The following ABRAXAS2 variants were observed in gnomAD, a reference collection of about 807,000 sequenced individuals.
ABRAXAS2 encodes the protein abraxas 2, BRISC complex subunit.
Under a neutral mutation model 49.0 loss-of-function variants are expected in ABRAXAS2, and 23 were observed. The ratio of observed to expected loss-of-function variants is 0.47; its 90% CI spans 0.34 to 0.66. ABRAXAS2 has a LOEUF of 0.66. Ranked by LOEUF, ABRAXAS2 falls within the 30% of genes least tolerant of loss-of-function variation. The pLI is 0.01. For synonymous variants in ABRAXAS2, 168 were observed against 180.2 expected (o/e 0.93, Z 0.54); for missense variants, 443 against 511.9 (o/e 0.87, Z 1.30).
chr10:124,829,562 C>A, intron 7 of ABRAXAS2, 85 bp downstream of exon 7: 2 of 902,076 alleles, frequency 2.2e-6, no homozygotes, highest in South Asian at 1.6e-5. Context: ...TGTCTTCCAA[C>A]TGACAAATAG....
intron 2 of ABRAXAS2, 141 bp from the exon 3 acceptor site, chr10:124,816,435 T>A (rs1950825721): frequency 8.0e-6 from 5 of 627,034 alleles, no homozygotes; most frequent in Non-Finnish European, 1.4e-5. Context: ...CAGACTGGTG[T>A]ACATGTAGCA....
At chr10:124,831,847 T>A (rs1589811617) in intron 8 of ABRAXAS2, among the ~76,000 whole-genome samples, 1 of 129,304 alleles carries the variant, frequency 7.7e-6, no homozygotes. Flanking sequence ...CCTGTCTTTT[T>A]TTTTTTTTTT....
rs189005599 is a variant in ABRAXAS2, at chr10:124,807,503, A to G, written c.163+582A>G. ...CCCCGTCTCTACTAAAAATACAAAA[A>G]TTAGCCGGGCGTGGTGGCGGGTGCC... On this transcript the variant is annotated intron_variant, in intron 2 of 8. Transcript: ENST00000298492. Among the ~76,000 whole-genome samples, 1,180 of 149,120 alleles carry G rather than the reference A, an allele frequency of 7.9e-3. 5 individuals carry two copies. The highest frequency in any genetic ancestry group is 0.013 in the Non-Finnish European group (860 of 67,386).
chr10:124,823,410 C>G (rs1434308579), intron 4 of ABRAXAS2, among the ~76,000 whole-genome samples: 1 of 152,120 alleles, frequency 6.6e-6, no homozygotes, highest in Non-Finnish European at 1.5e-5. Flanking sequence ...GGCTGAATTA[C>G]TGTTCTGGCA....
intron 3 of ABRAXAS2, among the ~76,000 whole-genome samples, chr10:124,818,793 G>A (rs1423624476): frequency 2.0e-5 from 3 of 152,128 alleles, no homozygotes; most frequent in African/African-American, 7.2e-5. Context: ...TATTAGGTTC[G>A]AAGCTAGCCA....
chr10:124,830,187 G>C (rs1308264253), intron 7 of ABRAXAS2, among the ~76,000 whole-genome samples: 3 of 152,154 alleles, frequency 2.0e-5, no homozygotes, highest in Admixed American at 6.6e-5. Flanking sequence ...GCTCACACCT[G>C]TCATCCCAGC....
At chr10:124,805,475 G>A (rs1159120026) in intron 1 of ABRAXAS2, among the ~76,000 whole-genome samples, 2 of 152,148 alleles carry the variant, frequency 1.3e-5, no homozygotes, top group Non-Finnish European at 2.9e-5. Flanking sequence ...TATCGTACAA[G>A]GGCATTGTTT....
At chr10:124,807,954 T>C (rs1341271673) in intron 2 of ABRAXAS2, among the ~76,000 whole-genome samples, 1 of 152,176 alleles carries the variant, frequency 6.6e-6, no homozygotes, top group Non-Finnish European at 1.5e-5. Flanking sequence ...TTACTAAACC[T>C]ATACAGCCTT....
intron 1 of ABRAXAS2, among the ~76,000 whole-genome samples, chr10:124,802,364 C>G (rs1950711506): frequency 6.6e-6 from 1 of 152,210 alleles, no homozygotes. Context: ...CGAGTGAAAC[C>G]GTGGCTGTCA....
intron 7 of ABRAXAS2, among the ~76,000 whole-genome samples, chr10:124,830,460 A>G (rs1475935856): frequency 6.6e-6 from 1 of 152,184 alleles, no homozygotes; most frequent in Non-Finnish European, 1.5e-5. Context: ...ATATAAAAAT[A>G]AAAAGGATGA....
chr10:124,827,621 T>C (rs554822578), intron 5 of ABRAXAS2, among the ~76,000 whole-genome samples: 1 of 152,304 alleles, frequency 6.6e-6, no homozygotes, highest in South Asian at 2.1e-4. Flanking sequence ...CATAATCCAC[T>C]ATGTGGAAAT....
intron 8 of ABRAXAS2, among the ~76,000 whole-genome samples, chr10:124,832,814 A>C (rs1182501101): frequency 6.6e-6 from 1 of 151,800 alleles, no homozygotes; most frequent in African/African-American, 2.4e-5. Flanking sequence ...ACTGCACTCC[A>C]GCCTGAGCAA....
At chr10:124,807,267 C>G (rs923735320) in intron 2 of ABRAXAS2, among the ~76,000 whole-genome samples, 12 of 134,226 alleles carry the variant, frequency 8.9e-5, no homozygotes, top group Non-Finnish European at 1.7e-4. Context: ...GAGCCGAGAT[C>G]GCGCCACTGC....
intron 2 of ABRAXAS2, among the ~76,000 whole-genome samples, chr10:124,814,539 C>T (rs1300572971): frequency 2.0e-5 from 3 of 151,060 alleles, no homozygotes; most frequent in African/African-American, 4.9e-5. Context: ...TTTGTTTTCA[C>T]CATATTGGCC....
In ABRAXAS2 at chr10:124,816,605, CT is replaced by C; in HGVS notation, c.198del (p.Phe66LeufsTer10). On this transcript the variant is annotated frameshift_variant, in exon 3 of 9. Transcript: ENST00000298492. LOFTEE classifies it high-confidence loss of function. ...EIHNHQPCSKLFSFYDYASKV... is the reference protein window; with the variant it reads ...EIHNHQPCSKXFSFYDYASKV... ...CCATAACCATCAGCCTTGTTCAAAACTTTTTAGGTAAGCCATATGTAAGCTT... is the reference window on the plus strand; with the variant it reads ...CCATAACCATCAGCCTTGTTCAAAACTTTTAGGTAAGCCATATGTAAGCTT... The C allele has an allele frequency of 6.2e-7, 1 of 1,601,728 alleles. No individual in the cohort carries two copies.
At chr10:124,806,455 A>G (rs1950745031) in intron 1 of ABRAXAS2, among the ~76,000 whole-genome samples, 1 of 152,198 alleles carries the variant, frequency 6.6e-6, no homozygotes, top group South Asian at 2.1e-4. Flanking sequence ...ATCATCAGCG[A>G]TGTTTTTACA....
intron 2 of ABRAXAS2, among the ~76,000 whole-genome samples, chr10:124,811,690 ATT>A (rs2134161025): frequency 1.3e-5 from 2 of 151,006 alleles, no homozygotes; most frequent in East Asian, 4.0e-4. Flanking sequence ...GTGAGCAGAG[ATT>A]GTGCCACTGC....
At chr10:124,825,850 G>A (rs899997819) in intron 4 of ABRAXAS2, among the ~76,000 whole-genome samples, 4 of 152,280 alleles carry the variant, frequency 2.6e-5, no homozygotes, top group Middle Eastern at 3.4e-3. Context: ...ATCTTGAGAG[G>A]TTCTGATTCT....
intron 3 of ABRAXAS2, among the ~76,000 whole-genome samples, chr10:124,817,128 C>T (rs570268210): frequency 4.6e-5 from 7 of 152,150 alleles, no homozygotes; most frequent in African/African-American, 1.7e-4. Context: ...ATGAATGAGG[C>T]ACAGTAAGAG....
Sources: gnomAD v4.1 joint callset for allele counts (sites outside exome capture counted in the v4.1 genomes callset) on GRCh38, gnomAD v4.1.1 for gene constraint, MANE v1.5 for transcripts, NCBI Gene and HGNC (gene_info 2026-07-23, HGNC 2026-07-21) for gene names.